Variants in TBX1 observed in about 807,000 individuals in gnomAD.
TBX1 encodes the protein T-box transcription factor 1, also known as T-box transcription factor TBX1.
A neutral mutation model predicts 40.8 loss-of-function variants in TBX1; 16 were observed. That is an observed-to-expected ratio of 0.39 (90% CI 0.27 to 0.60). The LOEUF is 0.60. Ranked by LOEUF, TBX1 falls within the 20% of genes least tolerant of loss-of-function variation. The pLI is 0.51. For synonymous variants in TBX1, 403 were observed against 336.8 expected, an observed-to-expected ratio of 1.20 and a Z score of -2.15; for missense variants, 755 against 728.5, an observed-to-expected ratio of 1.04 and a Z score of -0.42.
At chr22:19,768,167 G>A (rs1369070783), downstream of TBX1, among the ~76,000 whole-genome samples, 2 of 152,144 alleles carry the variant, frequency 1.3e-5, no homozygotes, top group African/African-American at 4.8e-5. Context: ...GGAAGTGCAC[G>A]TGGCCGAGGC....
At chr22:19,778,209 C>T (rs560608171) in intron 8 of TBX1, among the ~76,000 whole-genome samples, 2 of 151,824 alleles carry the variant, frequency 1.3e-5, no homozygotes, top group Non-Finnish European at 2.9e-5. Flanking sequence ...AACCTTCCTC[C>T]TCAGTCTCCC....
intron 8 of TBX1, among the ~76,000 whole-genome samples, chr22:19,776,443 G>A (rs1937066346): frequency 6.6e-6 from 1 of 152,170 alleles, no homozygotes; most frequent in African/African-American, 2.4e-5. Context: ...TCATGTTCCA[G>A]CAGGGACAGC....
downstream of TBX1, among the ~76,000 whole-genome samples, chr22:19,781,634 G>A (rs1395670525): frequency 6.6e-6 from 1 of 152,148 alleles, no homozygotes; most frequent in South Asian, 2.1e-4. Flanking sequence ...TCAATGTCAT[G>A]AAGCTTTTGG....
chr22:19,766,635 C>A lies in TBX1; in HGVS notation c.1283C>A (p.Pro428Gln), dbSNP rs1247147500. ...EPLHHHPYKY[P>Q]AAAYDHYLGA... is the part of the protein sequence containing the mutation. ...CTGCACCACCACCCCTACAAATATC[C>A]GGCCGCCGCCTACGACCACTATCTC... The change falls in exon 7 of 7, where the codon CCG becomes CAG. Residue 428 changes from proline (P) to glutamine (Q), a missense_variant. This residue lies in a region of TBX1 where 412 missense variants were observed against 317.6 expected (regional missense o/e 1.30). Transcript: ENST00000649276. The A allele has an allele frequency of 6.5e-7, 1 of 1,549,350 alleles. No individual in the cohort carries two copies. The highest frequency in any genetic ancestry group is 8.6e-7 in the Non-Finnish European group (1 of 1,156,076).
At chr22:19,759,962 G>A (rs12158927), upstream of TBX1, among the ~76,000 whole-genome samples, 1 of 152,184 alleles carries the variant, frequency 6.6e-6, no homozygotes, top group Non-Finnish European at 1.5e-5. Context: ...GCCTGGAGAG[G>A]GGGGAGGAAA....
intron 4 of TBX1, 22 bp downstream of exon 4, chr22:19,765,135 C>G (rs769010474): frequency 3.5e-5 from 57 of 1,613,954 alleles, no homozygotes; most frequent in Non-Finnish European, 9.3e-6. Flanking sequence ...TGGGGAGGAC[C>G]TGAGCGGATT....
downstream of TBX1, chr22:19,779,567 C>T (rs2145852099): frequency 1.4e-6 from 2 of 1,457,890 alleles, no homozygotes; most frequent in Middle Eastern, 2.5e-4. Flanking sequence ...TAGAGTCACA[C>T]TCCCAGTTGA....
At chr22:19,761,986 G>C (rs1277553792) in intron 1 of TBX1, among the ~76,000 whole-genome samples, 1 of 152,224 alleles carries the variant, frequency 6.6e-6, no homozygotes, top group Non-Finnish European at 1.5e-5. Flanking sequence ...CGGGTGCCGC[G>C]CTGTGTCTAA....
downstream of TBX1, chr22:19,782,796 C>CG (rs1450049104): frequency 6.3e-6 from 10 of 1,577,450 alleles, no homozygotes; most frequent in Non-Finnish European, 8.7e-6. Context: ...TGTCTGTGTT[C>CG]ACTCTTTCTT....
chr22:19,778,266 ATGT>A (rs1311483965), intron 8 of TBX1, among the ~76,000 whole-genome samples: 6 of 150,130 alleles, frequency 4.0e-5, no homozygotes, highest in East Asian at 4.0e-4. Flanking sequence ...GGCTTTTTTG[ATGT>A]TGTTGTTGTT....
In TBX1 at chr22:19,760,875, C is replaced by G. The variant is rs1403809781; in HGVS notation, c.32C>G (p.Thr11Arg). Residue 11 changes from threonine (T) to arginine (R), a missense_variant, in exon 1 of 7, where the codon ACG becomes AGG. Physicochemically the swap from Thr to Arg is moderately conservative, Grantham distance 71. Coordinates refer to ENST00000649276, the MANE Select transcript of TBX1 (RefSeq NM_001379200.1). The stretch of plus-strand genomic sequence containing the variant: ...TCCGCCGTGTCCAGCCCGTGGCTCA[C>G]GCAGCTCTCGCATTTCTGCGACGTT... MISAVSSPWL[T>R]QLSHFCDVAA... The G allele has an allele frequency of 1.9e-6, 2 of 1,046,864 alleles. No individual in the cohort carries two copies. The highest frequency in any genetic ancestry group is 2.3e-6 in the Non-Finnish European group (2 of 860,366). The allele number at this position is 1,046,864 out of a possible 1,614,324, so 64.8% of individuals were successfully genotyped here.
upstream of TBX1, chr22:19,759,778 GC>G (rs1936582286): frequency 7.3e-7 from 1 of 1,370,714 alleles, no homozygotes; most frequent in Non-Finnish European, 1.0e-6. Flanking sequence ...GCTCTTGGTA[GC>G]GTGGGCTCCA....
chr22:19,764,842 C>A, intron 3 of TBX1, 116 bp from the exon 4 acceptor site: 2 of 1,305,050 alleles, frequency 1.5e-6, no homozygotes, highest in Non-Finnish European at 2.2e-6. Flanking sequence ...AAGGGTTTTG[C>A]CCAACTCATC....
chr22:19,761,215 G>A lies in TBX1; in HGVS notation c.372G>A (p.Glu124=), dbSNP rs768390778. The change falls in exon 1 of 7, where the codon GAG becomes GAA. Residue 124 remains glutamate, a synonymous_variant. Transcript: ENST00000649276. The stretch of plus-strand genomic sequence containing the variant: ...TGGCCGGTGTGAGCGTGCAGCTAGA[G>A]ATGAAGGCGCTGTGGGACGAGTTCA... The part of the protein sequence containing the change: ...AKVAGVSVQL[E]MKALWDEFNQ... 3 of 1,570,534 alleles carry A rather than the reference G, an allele frequency of 1.9e-6. No homozygotes were observed. Among genetic ancestry groups the A allele is most frequent in the Non-Finnish European group, 2.6e-6 (3 of 1,157,002 alleles).
upstream of TBX1, among the ~76,000 whole-genome samples, chr22:19,758,923 C>T (rs1005070211): frequency 1.3e-5 from 2 of 152,194 alleles, no homozygotes; most frequent in African/African-American, 2.4e-5. Context: ...GAACAGAGGA[C>T]GCTGCGGCCC....
Position 19,763,320 on chromosome 22 carries a change from C to G in TBX1, c.517C>G (p.Pro173Ala). The G allele has an allele frequency of 6.2e-7, 1 of 1,614,184 alleles. No homozygotes were observed. The highest frequency in any genetic ancestry group is 8.5e-7 in the Non-Finnish European group (1 of 1,180,012). The change falls in exon 2 of 7, where the codon CCG (proline) becomes GCG (alanine). Residue 173 changes from proline to alanine, a missense_variant. By Grantham distance (27) the Pro-to-Ala change is conservative. This residue lies in a region of TBX1 where 144 missense variants were observed against 238.0 expected (regional missense o/e 0.61). Transcript: ENST00000649276. Reference sequence around the variant, plus strand: ...CTATATGCTGCTCATGGACTTCGTGCCGGTGGACGATAAGCGCTACCGGTG... The same window carrying G: ...CTATATGCTGCTCATGGACTTCGTGGCGGTGGACGATAAGCGCTACCGGTG... ...ADYMLLMDFV[P>A]VDDKRYRYAF...
upstream of TBX1, chr22:19,759,604 C>T: frequency 2.5e-6 from 4 of 1,609,660 alleles, no homozygotes; most frequent in Non-Finnish European, 3.4e-6. Flanking sequence ...GGTCCTCCGA[C>T]CGGGTGAAGC....
At chr22:19,767,701 G>C (rs1418356088), downstream of TBX1, among the ~76,000 whole-genome samples, 1 of 152,242 alleles carries the variant, frequency 6.6e-6, no homozygotes, top group African/African-American at 2.4e-5. Context: ...ACTTGGGCCT[G>C]CGCCCTGGCC....
At chr22:19,762,680 TGGGGCCATGATAGAGA>T (rs913929189) in intron 1 of TBX1, among the ~76,000 whole-genome samples, 1 of 151,888 alleles carries the variant, frequency 6.6e-6, no homozygotes, top group Non-Finnish European at 1.5e-5. Context: ...ACTCTTATCA[TGGGGCCATGATAGAGA>T]GGGGCCCTGA....
Sources: allele counts gnomAD v4.1 joint callset (sites outside exome capture counted in the v4.1 genomes callset), GRCh38; gene constraint gnomAD v4.1.1; regional missense constraint gnomAD v4.1.1; transcripts MANE v1.5; gene names NCBI Gene and HGNC (gene_info 2026-07-23, HGNC 2026-07-21).